Variants in MYO16 observed in about 807,000 individuals in gnomAD.
The protein encoded by MYO16 is unconventional myosin-XVI.
Under a neutral mutation model 205.3 loss-of-function variants are expected in MYO16, and 94 were observed. That is an observed-to-expected ratio of 0.46 (90% CI 0.39 to 0.54). The LOEUF is 0.54. Ranked by LOEUF, MYO16 falls within the 20% of genes least tolerant of loss-of-function variation. The pLI is 0.00. For missense variants in MYO16, 2,315 were observed against 2,387.5 expected, an observed-to-expected ratio of 0.97 and a Z score of 0.63; for synonymous variants, 988 against 954.0, an observed-to-expected ratio of 1.04 and a Z score of -0.66.
At chr13:108,696,750 T>C (rs1366819627) in intron 2 of MYO16, among the ~76,000 whole-genome samples, 1 of 152,118 alleles carries the variant, frequency 6.6e-6, no homozygotes, top group Non-Finnish European at 1.5e-5. Flanking sequence ...TGTACCCCAA[T>C]TGAAAAACAA....
intron 12 of MYO16, among the ~76,000 whole-genome samples, chr13:108,869,576 AAAAAG>A (rs1469626560): frequency 6.6e-6 from 1 of 150,810 alleles, no homozygotes; most frequent in Non-Finnish European, 1.5e-5. Flanking sequence ...TACAAAAAAA[AAAAAG>A]TTAGCCGGGC....
intron 27 of MYO16, among the ~76,000 whole-genome samples, chr13:109,099,043 C>T (rs540919221): frequency 4.7e-4 from 71 of 152,284 alleles, no homozygotes; most frequent in East Asian, 2.7e-3. Context: ...CGATCAGCTT[C>T]GATGACTGCT....
chr13:108,657,498 C>T (rs189622437), intron 1 of MYO16, among the ~76,000 whole-genome samples: 208 of 152,200 alleles, frequency 1.4e-3, no homozygotes, highest in African/African-American at 4.9e-3. Flanking sequence ...AAATATATAT[C>T]TTGGTTGTAG....
chr13:108,913,383 G>A lies in MYO16; in HGVS notation c.1925+3233G>A, dbSNP rs555039922. On this transcript the variant is annotated intron_variant, in intron 16 of 34. Transcript: ENST00000457511. ...TATTTTTTGTTGTTTATGTTATACA[G>A]GTCTTCTCACATTTATAATGTTGGT... 7.2e-5 allele frequency among the ~76,000 whole-genome samples: 11 copies of A among 152,230 alleles called. No individual in the cohort carries two copies. The South Asian group carries it at 2.3e-3, about 32-fold the overall frequency.
the MYO16 span, among the ~76,000 whole-genome samples, chr13:108,516,077 C>T: frequency 1.1e-4 from 16 of 147,964 alleles, no homozygotes; most frequent in African/African-American, 3.0e-4. Context: ...CCCCCAGCCT[C>T]GTTGCCGCCT....
At chr13:109,012,638 AG>A (rs1319474077) in intron 22 of MYO16, among the ~76,000 whole-genome samples, 1 of 152,010 alleles carries the variant, frequency 6.6e-6, no homozygotes, top group Non-Finnish European at 1.5e-5. Flanking sequence ...CTTGTCAAAA[AG>A]GTTGGGGCCC....
the MYO16 span, among the ~76,000 whole-genome samples, chr13:108,586,293 T>C: frequency 1.1e-4 from 16 of 152,214 alleles, no homozygotes; most frequent in Admixed American, 7.9e-4. Context: ...AATTTTACAC[T>C]GAATATGGAG....
chr13:108,788,677 T>C (rs951970465), intron 5 of MYO16, among the ~76,000 whole-genome samples: 2 of 151,882 alleles, frequency 1.3e-5, no homozygotes, highest in East Asian at 3.9e-4. Flanking sequence ...TTCAGCCCAC[T>C]GAAGTTCAGT....
At chr13:108,585,823 G>C in the MYO16 span, among the ~76,000 whole-genome samples, 1 of 152,096 alleles carries the variant, frequency 6.6e-6, no homozygotes, top group East Asian at 1.9e-4. Context: ...ATTTGGGCAA[G>C]ATAAAAAATC....
intron 16 of MYO16, among the ~76,000 whole-genome samples, chr13:108,945,553 T>C (rs1353999610): frequency 1.3e-5 from 2 of 152,146 alleles, no homozygotes; most frequent in Non-Finnish European, 2.9e-5. Flanking sequence ...CACATTTCTA[T>C]TCTTTTTTTA....
intron 20 of MYO16, among the ~76,000 whole-genome samples, chr13:108,977,221 A>T (rs1884295488): frequency 6.6e-6 from 1 of 152,148 alleles, no homozygotes; most frequent in Non-Finnish European, 1.5e-5. Flanking sequence ...TATTCTTTTT[A>T]ACTGCTGCAC....
At chr13:109,112,724 C>T (rs1221408313) in intron 28 of MYO16, among the ~76,000 whole-genome samples, 2 of 152,116 alleles carry the variant, frequency 1.3e-5, no homozygotes, top group African/African-American at 2.4e-5. Flanking sequence ...CATTGCACTC[C>T]AGCCTGGGCG....
intron 15 of MYO16, 68 bp from the exon 16 acceptor site, chr13:108,909,935 A>G (rs2139233770): frequency 6.9e-7 from 1 of 1,444,816 alleles, no homozygotes. Context: ...ATTAATTAAT[A>G]TGTGTTAATT....
At chr13:108,504,397 G>A in the MYO16 span, among the ~76,000 whole-genome samples, 1 of 152,148 alleles carries the variant, frequency 6.6e-6, no homozygotes, top group Non-Finnish European at 1.5e-5. Flanking sequence ...AAAGTGCTGG[G>A]ATTATAGGCG....
At position 109,100,855 on chromosome 13, in the gene MYO16, G is replaced by C. The variant is rs1888942392; in HGVS notation, c.3406G>C (p.Val1136Leu). 4.3e-6 allele frequency: 7 copies of C among 1,613,564 alleles called. No individual in the cohort carries two copies. The highest frequency in any genetic ancestry group is 5.9e-6 in the Non-Finnish European group (7 of 1,179,648). Residue 1136 changes from valine (V) to leucine (L), a missense_variant, in exon 28 of 35, where the codon GTT (valine) becomes CTT (leucine). Val to Leu is a conservative substitution (Grantham distance 32). Transcript: ENST00000457511. ...EQSAAERCRLVLQQCKLQGWQ... is the reference protein window; with the variant it reads ...EQSAAERCRLLLQQCKLQGWQ... ...GTCAGCTGCCGAGCGATGTCGACTTGTTCTCCAGCAGTGTAAATTACAAGG... is the reference window on the plus strand; with the variant it reads ...GTCAGCTGCCGAGCGATGTCGACTTCTTCTCCAGCAGTGTAAATTACAAGG...
At chr13:108,927,937 G>A (rs938761222) in intron 16 of MYO16, among the ~76,000 whole-genome samples, 49 of 152,358 alleles carry the variant, frequency 3.2e-4, no homozygotes, top group African/African-American at 1.1e-3. Flanking sequence ...CCACCACACT[G>A]ATTTCCACCA....
At position 108,876,437 on chromosome 13, in the gene MYO16, T is replaced by G. The variant is rs189876967; in HGVS notation, c.1426-6622T>G. On this transcript the variant is annotated intron_variant, in intron 12 of 34. Transcript: ENST00000457511. ...AAAAAATAACAGTATGTTTTAATTA[T>G]ATGATGTCTTAGATAGATGACATAT... Among the ~76,000 whole-genome samples the G allele has an allele frequency of 7.9e-3, 1,203 of 152,320 alleles. 6 individuals carry two copies. Among genetic ancestry groups the G allele is most frequent in the Non-Finnish European group, 0.013 (903 of 68,030 alleles).
intron 25 of MYO16, 59 bp downstream of exon 25, chr13:109,052,534 CTTT>C: frequency 2.4e-6 from 3 of 1,275,560 alleles, no homozygotes; most frequent in South Asian, 1.4e-5. Context: ...ATATTTGCTT[CTTT>C]TTTTTTAAAA....
chr13:108,542,821 G>A, the MYO16 span, among the ~76,000 whole-genome samples: 1 of 151,590 alleles, frequency 6.6e-6, no homozygotes, highest in African/African-American at 2.4e-5. Flanking sequence ...AAGCCCATCT[G>A]CATTTTATTC....
Sources: allele counts gnomAD v4.1 joint callset (sites outside exome capture counted in the v4.1 genomes callset), GRCh38; gene constraint gnomAD v4.1.1; transcripts MANE v1.5; gene names NCBI Gene and HGNC (gene_info 2026-07-23, HGNC 2026-07-21).